The following TIAM1 variants were observed in gnomAD, a reference collection of about 807,000 sequenced individuals.
TIAM1 encodes the protein rho guanine nucleotide exchange factor TIAM1.
TIAM1 carries 65 observed loss-of-function variants against 163.5 expected under a neutral mutation model. That is an observed-to-expected ratio of 0.40 (90% confidence interval 0.33 to 0.49). The LOEUF (loss-of-function observed/expected upper bound fraction) is 0.49. Ranked by LOEUF, TIAM1 falls within the 20% of genes least tolerant of loss-of-function variation. The pLI is 0.77. For missense variants in TIAM1, 1,789 were observed against 2,044.7 expected (o/e 0.87, Z 2.41); for synonymous variants, 833 against 810.1 (o/e 1.03, Z -0.48).
At chr21:31,230,311 T>A (rs1400634856) in intron 6 of TIAM1, among the ~76,000 whole-genome samples, 1 of 152,112 alleles carries the variant, frequency 6.6e-6, no homozygotes, top group Non-Finnish European at 1.5e-5. Context: ...GGGACTCAGA[T>A]GACCATTTTT....
At chr21:31,484,964 T>A (rs572549108) in intron 1 of TIAM1, among the ~76,000 whole-genome samples, 1 of 152,292 alleles carries the variant, frequency 6.6e-6, no homozygotes, top group South Asian at 2.1e-4. Flanking sequence ...AAGGACTCAG[T>A]GAGAAGACAG....
At chr21:31,552,493 G>A (rs1825685604) in intron 1 of TIAM1, among the ~76,000 whole-genome samples, 1 of 152,084 alleles carries the variant, frequency 6.6e-6, no homozygotes, top group Non-Finnish European at 1.5e-5. Context: ...AGAAACCTCC[G>A]CCAGGCGCGG....
chr21:31,467,040 C>A (rs577428777), intron 1 of TIAM1, among the ~76,000 whole-genome samples: 1 of 151,316 alleles, frequency 6.6e-6, no homozygotes. Flanking sequence ...AGGAAGCTTG[C>A]GATCACTAAC....
chr21:31,252,212 A>C, intron 4 of TIAM1, 23 bp from the exon 5 acceptor site: 1 of 1,592,262 alleles, frequency 6.3e-7, no homozygotes, highest in Non-Finnish European at 8.5e-7. Flanking sequence ...AAGAGAGAGC[A>C]AAGAAGACAA....
chr21:31,453,270 C>A (rs1398991944), intron 2 of TIAM1: 2 of 226,594 alleles, frequency 8.8e-6, no homozygotes, highest in Non-Finnish European at 1.8e-5. Context: ...GTAGAGGAAG[C>A]AGTCAAAGAA....
At chr21:31,535,514 C>T (rs2048106296) in intron 1 of TIAM1, among the ~76,000 whole-genome samples, 1 of 151,764 alleles carries the variant, frequency 6.6e-6, no homozygotes, top group African/African-American at 2.4e-5. Flanking sequence ...AAACATGGAC[C>T]CCAACCTTTA....
chr21:31,208,343 G>A (rs1254313302), intron 11 of TIAM1, among the ~76,000 whole-genome samples: 1 of 152,182 alleles, frequency 6.6e-6, no homozygotes, highest in African/African-American at 2.4e-5. Context: ...ACCTTCCAGA[G>A]TTCGGCTTAT....
At chr21:31,315,632 C>T (rs527609392) in intron 2 of TIAM1, among the ~76,000 whole-genome samples, 1 of 138,882 alleles carries the variant, frequency 7.2e-6, no homozygotes, top group South Asian at 2.3e-4. Context: ...GCCAACATAG[C>T]GCCCCTGCAC....
intron 23 of TIAM1, among the ~76,000 whole-genome samples, chr21:31,134,636 A>G (rs2082547432): frequency 6.6e-6 from 1 of 152,004 alleles, no homozygotes; most frequent in Admixed American, 6.5e-5. Flanking sequence ...TTAGCCTCCC[A>G]AGTAGCTGGG....
intron 2 of TIAM1, among the ~76,000 whole-genome samples, chr21:31,437,518 C>CAAAAAAAAAA (rs2044252818): frequency 8.7e-6 from 1 of 114,720 alleles, no homozygotes; most frequent in African/African-American, 4.7e-5. Context: ...AAAAAAAAAG[C>CAAAAAAAAAA]AACTACATAA....
At chr21:31,152,944 G>T in intron 18 of TIAM1, 122 bp downstream of exon 18, 1 of 1,285,266 alleles carries the variant, frequency 7.8e-7, no homozygotes, top group Non-Finnish European at 1.1e-6. Flanking sequence ...AATAATTTCA[G>T]CTAGTTACAA....
chr21:31,426,027 C>T (rs1422875493), intron 2 of TIAM1, among the ~76,000 whole-genome samples: 1 of 152,088 alleles, frequency 6.6e-6, no homozygotes, highest in Non-Finnish European at 1.5e-5. Flanking sequence ...ACCACCGCGC[C>T]CAGACCATTT....
intron 2 of TIAM1, among the ~76,000 whole-genome samples, chr21:31,383,417 A>T (rs2076813461): frequency 6.6e-6 from 1 of 152,034 alleles, no homozygotes; most frequent in Admixed American, 6.6e-5. Context: ...TATGTACCCG[A>T]CCCTAGGCTA....
chr21:31,129,989 GTTCA>G (rs1350381602), intron 25 of TIAM1, among the ~76,000 whole-genome samples: 2 of 150,534 alleles, frequency 1.3e-5, no homozygotes, highest in Admixed American at 1.3e-4. Context: ...CATTCACTCA[GTTCA>G]TTCATTCACT....
upstream of TIAM1, among the ~76,000 whole-genome samples, chr21:31,344,637 T>C (rs2076111937): frequency 6.6e-6 from 1 of 152,182 alleles, no homozygotes; most frequent in African/African-American, 2.4e-5. Flanking sequence ...GGGTAGTTCA[T>C]TCAGTGGAGA....
At chr21:31,164,873 G>A in intron 16 of TIAM1, 89 bp downstream of exon 16, 1 of 1,346,260 alleles carries the variant, frequency 7.4e-7, no homozygotes, top group Non-Finnish European at 1.0e-6. Flanking sequence ...GGAGAGGCCT[G>A]GTAACCACAT....
At chr21:31,152,582 T>C (rs960906074) in intron 19 of TIAM1, 54 bp downstream of exon 19, 7 of 1,601,814 alleles carry the variant, frequency 4.4e-6, no homozygotes, top group Non-Finnish European at 6.0e-6. Flanking sequence ...ATCAGGGGAT[T>C]CAACTTGAGC....
intron 19 of TIAM1, among the ~76,000 whole-genome samples, chr21:31,149,784 T>A (rs190541453): frequency 6.6e-6 from 1 of 152,328 alleles, no homozygotes; most frequent in East Asian, 1.9e-4. Context: ...TGTTCTACTG[T>A]GCAAATTATC....
At chr21:31,300,220 A>C (rs2074448892) in intron 2 of TIAM1, among the ~76,000 whole-genome samples, 1 of 152,180 alleles carries the variant, frequency 6.6e-6, no homozygotes, top group African/African-American at 2.4e-5. Context: ...ACACTCTGGC[A>C]TGAATGGAAG....
Sources: gnomAD v4.1 joint callset for allele counts (sites outside exome capture counted in the v4.1 genomes callset) on GRCh38, gnomAD v4.1.1 for gene constraint, MANE v1.5 for transcripts, NCBI Gene and HGNC (gene_info 2026-07-23, HGNC 2026-07-21) for gene names.